DCTN4: variants seen among roughly 807,000 people sequenced by gnomAD.
The protein encoded by DCTN4 is dynactin subunit 4, also known as dynactin 4 (p62).
In DCTN4, 23 loss-of-function variants were observed where a neutral mutation model predicts 62.7. The ratio of observed to expected loss-of-function variants is 0.37; its 90% CI spans 0.26 to 0.52. DCTN4 has a LOEUF of 0.52. Ranked by LOEUF, DCTN4 falls within the 20% of genes least tolerant of loss-of-function variation. DCTN4 has a pLI of 0.92. For synonymous variants in DCTN4, 199 were observed against 202.1 expected, an observed-to-expected ratio of 0.98 and a Z score of 0.13; for missense variants, 514 against 580.4, an observed-to-expected ratio of 0.89 and a Z score of 1.18.
At chr5:150,724,845 C>G (rs183771767) in intron 8 of DCTN4, among the ~76,000 whole-genome samples, 1 of 152,222 alleles carries the variant, frequency 6.6e-6, no homozygotes, top group East Asian at 1.9e-4. Flanking sequence ...CTACCATGCA[C>G]TTTGCTTTTT....
intron 12 of DCTN4, 74 bp downstream of exon 12, chr5:150,715,491 C>A (rs1759720644): frequency 1.7e-6 from 2 of 1,166,298 alleles, no homozygotes; most frequent in Non-Finnish European, 2.5e-6. Flanking sequence ...AAAATCCAGA[C>A]AAGAAAACTG....
chr5:150,723,095 T>C (rs1296077423), intron 8 of DCTN4, 115 bp from the exon 9 acceptor site: 7 of 737,754 alleles, frequency 9.5e-6, no homozygotes, highest in Non-Finnish European at 1.3e-5. Context: ...TGTTTTGTTC[T>C]GCTATAAGAC....
intron 1 of DCTN4, 35 bp downstream of exon 1, chr5:150,758,824 C>CT: frequency 3.7e-6 from 6 of 1,606,904 alleles, no homozygotes; most frequent in Non-Finnish European, 4.3e-6. Context: ...GCGCCCCCCC[C>CT]ACCCCACATA....
Position 150,711,241 on chromosome 5 carries a change from G to A in DCTN4, c.1291C>T (p.Pro431Ser), listed in dbSNP as rs756343770. ...MKHDFKNLAA[P>S]IRPIEESDQG... Reference sequence around the variant, plus strand: ...TCACTTTCTTCAATGGGGCGAATGGGGGCTGCCAGGTTTTTAAAATCATGC... The same window carrying A: ...TCACTTTCTTCAATGGGGCGAATGGAGGCTGCCAGGTTTTTAAAATCATGC... The change falls in exon 13 of 13, where the codon CCC (proline) becomes TCC (serine). Residue 431 changes from proline (P) to serine (S), a missense_variant. Transcript: ENST00000447998. 6.2e-7 allele frequency: 1 copy of A among 1,612,970 alleles called. No individual in the cohort carries two copies. The highest frequency in any genetic ancestry group is 1.3e-5 in the African/African-American group (1 of 74,844).
chr5:150,727,423 T>A (rs1403195372), intron 8 of DCTN4, among the ~76,000 whole-genome samples: 1 of 152,124 alleles, frequency 6.6e-6, no homozygotes, highest in African/African-American at 2.4e-5. Flanking sequence ...TTTAAAATTA[T>A]TTTTTTCTAC....
intron 1 of DCTN4, 74 bp downstream of exon 1, chr5:150,758,785 T>C: frequency 1.3e-6 from 2 of 1,576,138 alleles, no homozygotes; most frequent in Non-Finnish European, 8.7e-7. Context: ...AGCTCCAGCC[T>C]TCCGGTGGCA....
At chr5:150,748,703 C>T (rs1011335620) in intron 3 of DCTN4, among the ~76,000 whole-genome samples, 27 of 147,142 alleles carry the variant, frequency 1.8e-4, no homozygotes, top group South Asian at 1.1e-3. Flanking sequence ...AACCAAACAC[C>T]GCATGTTCTC....
Position 150,708,814 on chromosome 5 carries a change from C to G in DCTN4, c.*2335G>C, listed in dbSNP as rs1298686169. ...TAAGGCAAAACAGTAACCTGTCATT[C>G]ATAAAGATCAAGGAGTACCTCTCTG... On this transcript the variant is annotated 3_prime_UTR_variant, in exon 13 of 13. Transcript: ENST00000447998. 1 of 152,818 alleles carries G rather than the reference C, an allele frequency of 6.5e-6. No individual in the cohort carries two copies. The highest frequency in any genetic ancestry group is 1.5e-5 in the Non-Finnish European group (1 of 68,050). The allele number at this position is 152,818 out of a possible 1,614,324, so 9.5% of individuals were successfully genotyped here. A position where few individuals can be genotyped will look rare whatever the true frequency, so the allele number is the denominator to read the frequency against.
chr5:150,712,813 T>A (rs187778027), intron 12 of DCTN4, among the ~76,000 whole-genome samples: 1 of 152,228 alleles, frequency 6.6e-6, no homozygotes, highest in Non-Finnish European at 1.5e-5. Flanking sequence ...ACAGAATTTG[T>A]CTACTACCCA....
At chr5:150,720,968 C>T (rs1759937479) in intron 9 of DCTN4, among the ~76,000 whole-genome samples, 2 of 152,116 alleles carry the variant, frequency 1.3e-5, no homozygotes, top group Admixed American at 1.3e-4. Flanking sequence ...GGTCTCTAAC[C>T]AATCATGTAT....
intron 4 of DCTN4, among the ~76,000 whole-genome samples, chr5:150,740,548 G>A (rs551769952): frequency 6.6e-6 from 1 of 152,242 alleles, no homozygotes; most frequent in South Asian, 2.1e-4. Context: ...TCCTACTACT[G>A]GGTATCTACT....
chr5:150,712,089 A>C (rs1209067886), intron 12 of DCTN4, among the ~76,000 whole-genome samples: 1 of 152,146 alleles, frequency 6.6e-6, no homozygotes, highest in South Asian at 2.1e-4. Context: ...GTGCAAATGC[A>C]ATATTTCTAT....
intron 4 of DCTN4, 83 bp downstream of exon 4, chr5:150,742,031 T>C (rs1760786943): frequency 1.7e-6 from 2 of 1,167,520 alleles, no homozygotes; most frequent in Admixed American, 1.7e-5. Flanking sequence ...ACAGCTCATA[T>C]CTACCCATAA....
intron 4 of DCTN4, among the ~76,000 whole-genome samples, chr5:150,735,241 GAAC>G (rs1460298681): frequency 1.3e-5 from 2 of 152,122 alleles, no homozygotes; most frequent in Non-Finnish European, 2.9e-5. Context: ...ACTCATAAAA[GAAC>G]AACCCTGCCC....
chr5:150,741,017 A>C (rs1196359676), intron 4 of DCTN4, among the ~76,000 whole-genome samples: 1 of 152,106 alleles, frequency 6.6e-6, no homozygotes, highest in African/African-American at 2.4e-5. Context: ...CCATGTAAGC[A>C]AACACCAGGT....
chr5:150,737,464 CT>C (rs1349316840), intron 4 of DCTN4, among the ~76,000 whole-genome samples: 2 of 152,188 alleles, frequency 1.3e-5, no homozygotes, highest in African/African-American at 4.8e-5. Context: ...CCAAAAGGAA[CT>C]CTTGAAACGA....
In DCTN4 at chr5:150,733,474, ATCT is replaced by A; in HGVS notation, c.430-2_430del. ...CTGGTAATATTCAATCAATTTGTTCATCTGTAAGAAAATCACAGACTCAGTACA... is the reference window on the plus strand; with the variant it reads ...CTGGTAATATTCAATCAATTTGTTCAGTAAGAAAATCACAGACTCAGTACA... On this transcript the variant is annotated splice_acceptor_variant and coding_sequence_variant, in exon 5 of 13. Transcript: ENST00000447998. LOFTEE classifies it high-confidence loss of function. 6 of 1,612,326 alleles carry A rather than the reference ATCT, an allele frequency of 3.7e-6. No homozygotes were observed. Among genetic ancestry groups the A allele is most frequent in the Non-Finnish European group, 5.1e-6 (6 of 1,179,012 alleles).
At chr5:150,731,297 G>C (rs916676609) in intron 6 of DCTN4, 119 bp downstream of exon 6, 1 of 1,038,202 alleles carries the variant, frequency 9.6e-7, no homozygotes, top group African/African-American at 1.6e-5. Context: ...TCTTTTCTAA[G>C]TATGAGAATC....
In DCTN4 at chr5:150,712,186, G is replaced by C. The variant is rs573184921; in HGVS notation, c.1170-824C>G. On this transcript the variant is annotated intron_variant, in intron 12 of 12. Coordinates refer to ENST00000447998, the MANE Select transcript of DCTN4 (RefSeq NM_016221.4). The stretch of plus-strand genomic sequence containing the variant: ...GCTCTGTCACCCAGGCTGGAGTGCA[G>C]TGGCGCAATCTTGGCTCACCGCAAC... 2.6e-4 allele frequency among the ~76,000 whole-genome samples: 39 copies of C among 152,286 alleles called. 1 individual carries two copies. Among genetic ancestry groups the C allele is most frequent in the South Asian group, 1.2e-3 (6 of 4,826 alleles).
Sources: allele counts gnomAD v4.1 joint callset (sites outside exome capture counted in the v4.1 genomes callset), GRCh38; gene constraint gnomAD v4.1.1; transcripts MANE v1.5; gene names NCBI Gene and HGNC (gene_info 2026-07-23, HGNC 2026-07-21).